The following B3GALNT2 variants were observed in gnomAD, a reference collection of about 807,000 sequenced individuals.
The protein encoded by B3GALNT2 is UDP-GalNAc:beta-1,3-N-acetylgalactosaminyltransferase 2.
A neutral mutation model predicts 61.1 loss-of-function variants in B3GALNT2; 53 were observed. The ratio of observed to expected loss-of-function variants is 0.87; its 90% CI spans 0.70 to 1.09. The LOEUF is 1.09. Ranked by LOEUF, B3GALNT2 falls within the 50% of genes least tolerant of loss-of-function variation. B3GALNT2 has a pLI of 0.00. For synonymous variants in B3GALNT2, 223 were observed against 237.4 expected (o/e 0.94, Z 0.56); for missense variants, 544 against 623.0 (o/e 0.87, Z 1.35).
At chr1:235,479,279 G>C (rs1253011442) in intron 5 of B3GALNT2, 2 of 152,204 alleles carry the variant, frequency 1.3e-5, no homozygotes, top group Non-Finnish European at 2.9e-5. Context: ...GATGCTGCGG[G>C]ATGAACTCTA....
At chr1:235,485,818 T>C (rs1046495825) in intron 3 of B3GALNT2, among the ~76,000 whole-genome samples, 4 of 152,350 alleles carry the variant, frequency 2.6e-5, no homozygotes, top group African/African-American at 9.6e-5. Flanking sequence ...TTACAAAATA[T>C]ATGCATATAT....
intron 2 of B3GALNT2, among the ~76,000 whole-genome samples, chr1:235,493,417 G>T (rs1472129720): frequency 6.6e-6 from 1 of 152,110 alleles, no homozygotes; most frequent in Non-Finnish European, 1.5e-5. Flanking sequence ...TTGCAACCAT[G>T]AACTAAAGAA....
chr1:235,485,438 T>C (rs1684760175), intron 3 of B3GALNT2, among the ~76,000 whole-genome samples: 1 of 152,140 alleles, frequency 6.6e-6, no homozygotes, highest in African/African-American at 2.4e-5. Flanking sequence ...CTCAGCCTCC[T>C]GAGTAGCTGG....
chr1:235,493,232 G>A (rs1272532636), intron 2 of B3GALNT2, among the ~76,000 whole-genome samples: 2 of 152,140 alleles, frequency 1.3e-5, no homozygotes, highest in African/African-American at 4.8e-5. Context: ...GATTGGATGT[G>A]GCAGGTGAAA....
chr1:235,504,388 G>T lies in B3GALNT2; in HGVS notation c.-136C>A. The T allele has an allele frequency of 2.0e-6, 2 of 1,019,814 alleles. No homozygotes were observed. The highest frequency in any genetic ancestry group is 2.6e-6 in the Non-Finnish European group (2 of 758,000). 63.2% of individuals were successfully genotyped at this position (1,019,814 alleles called of 1,614,324 possible). ...CCCGCCCTCGCGCTCGGCGACGTCT[G>T]GGGGGCTCCTCGCAGCTCCCGGCCC... is the stretch of plus-strand genomic sequence containing the variant. On this transcript the variant is annotated 5_prime_UTR_variant, in exon 1 of 12. Coordinates refer to ENST00000366600, the MANE Select transcript of B3GALNT2 (RefSeq NM_152490.5).
intron 6 of B3GALNT2, among the ~76,000 whole-genome samples, chr1:235,466,349 G>A (rs968898013): frequency 7.9e-5 from 12 of 151,550 alleles, no homozygotes; most frequent in African/African-American, 2.7e-4. Context: ...GATTACAGGC[G>A]TGAGCCACCA....
rs536077088 is a variant in B3GALNT2, at chr1:235,448,620, T to G, written c.*1586A>C. The G allele has an allele frequency of 1.8e-5, 28 of 1,515,400 alleles. No homozygotes were observed. The African/African-American group carries it at 3.4e-4, about 19-fold the overall frequency. 93.9% of individuals were successfully genotyped at this position (1,515,400 alleles called of 1,614,324 possible). ...GGGGAAGAGTATGTGTAGCATGCTTTATCGGATCTGTCTTAATCACATCCT... is the reference window on the plus strand; with the variant it reads ...GGGGAAGAGTATGTGTAGCATGCTTGATCGGATCTGTCTTAATCACATCCT... On this transcript the variant is annotated 3_prime_UTR_variant, in exon 12 of 12. Coordinates refer to ENST00000366600, the MANE Select transcript of B3GALNT2 (RefSeq NM_152490.5).
In B3GALNT2 at chr1:235,449,246, T is replaced by C. The variant is rs537883720; in HGVS notation, c.*960A>G. On this transcript the variant is annotated 3_prime_UTR_variant, in exon 12 of 12. Transcript: ENST00000366600. ...ATATGCTATTATCTGTCTTCTCAGT[T>C]GCACTATTTCTAAGAGTACTTAAAT... 9 of 179,054 alleles carry C rather than the reference T, an allele frequency of 5.0e-5. No individual in the cohort carries two copies. The highest frequency in any genetic ancestry group is 3.6e-4 in the South Asian group (3 of 8,380). The allele number at this position is 179,054 out of a possible 1,614,324, so 11.1% of individuals were successfully genotyped here.
At chr1:235,461,020 G>A (rs900015149) in intron 7 of B3GALNT2, among the ~76,000 whole-genome samples, 11 of 152,154 alleles carry the variant, frequency 7.2e-5, no homozygotes, top group Non-Finnish European at 1.0e-4. Context: ...CAATTCTTTC[G>A]CTGTGGCAGG....
At chr1:235,440,015 G>A in the B3GALNT2 span, among the ~76,000 whole-genome samples, 1 of 152,044 alleles carries the variant, frequency 6.6e-6, no homozygotes, top group African/African-American at 2.4e-5. Context: ...CTGTCGCCCA[G>A]GCTGGAGTGC....
chr1:235,484,671 G>A (rs1684717802), intron 3 of B3GALNT2, 156 bp from the exon 4 acceptor site: 1 of 1,323,142 alleles, frequency 7.6e-7, no homozygotes, highest in African/African-American at 1.5e-5. Context: ...TGAGAAAAAT[G>A]GCTGCTTCTA....
At chr1:235,497,469 G>A (rs2102868125) in intron 1 of B3GALNT2, among the ~76,000 whole-genome samples, 1 of 152,176 alleles carries the variant, frequency 6.6e-6, no homozygotes, top group Non-Finnish European at 1.5e-5. Context: ...AAAAGCTGTA[G>A]GGCAAAAATC....
chr1:235,490,162 C>T (rs560779622), intron 2 of B3GALNT2, among the ~76,000 whole-genome samples: 2 of 152,258 alleles, frequency 1.3e-5, no homozygotes, highest in African/African-American at 4.8e-5. Context: ...TACTTCCTCT[C>T]CCTAAACAAT....
At chr1:235,494,533 T>C (rs180845147) in intron 2 of B3GALNT2, 148 bp downstream of exon 2, 13 of 783,002 alleles carry the variant, frequency 1.7e-5, no homozygotes, top group African/African-American at 1.6e-4. Context: ...CATGGCTCAC[T>C]GCAGCCTCAA....
intron 5 of B3GALNT2, among the ~76,000 whole-genome samples, chr1:235,473,403 C>A (rs893465587): frequency 6.6e-6 from 1 of 152,132 alleles, no homozygotes; most frequent in Non-Finnish European, 1.5e-5. Flanking sequence ...GGATAAGGAA[C>A]TGATAGGACT....
intron 3 of B3GALNT2, among the ~76,000 whole-genome samples, chr1:235,488,518 C>A (rs1684908805): frequency 6.6e-6 from 1 of 151,378 alleles, no homozygotes; most frequent in African/African-American, 2.4e-5. Flanking sequence ...CCCATCTCTA[C>A]TAAAAATACA....
At chr1:235,479,197 G>A (rs901205856) in intron 5 of B3GALNT2, 1 of 152,182 alleles carries the variant, frequency 6.6e-6, no homozygotes, top group Non-Finnish European at 1.5e-5. Flanking sequence ...CCACAGAATG[G>A]GTAGGAAAAA....
At chr1:235,465,317 G>T in intron 7 of B3GALNT2, 1 of 257,540 alleles carries the variant, frequency 3.9e-6, no homozygotes, top group Non-Finnish European at 7.3e-6. Context: ...TACGTACTGT[G>T]CATTTCCATT....
intron 5 of B3GALNT2, among the ~76,000 whole-genome samples, chr1:235,476,170 G>A (rs1426222699): frequency 6.6e-6 from 1 of 152,176 alleles, no homozygotes; most frequent in East Asian, 1.9e-4. Context: ...CACTTTGGGA[G>A]GCCAAGGCAG....
Sources: gnomAD v4.1 joint callset for allele counts (sites outside exome capture counted in the v4.1 genomes callset) on GRCh38, gnomAD v4.1.1 for gene constraint, MANE v1.5 for transcripts, NCBI Gene and HGNC (gene_info 2026-07-23, HGNC 2026-07-21) for gene names.